Variants in NR2F1-AS1 observed in about 807,000 individuals in gnomAD.
NR2F1-AS1 encodes NR2F1 antisense RNA 1.
intron 1 of NR2F1-AS1, among the ~76,000 whole-genome samples, chr5:93,577,449 G>T (rs1223873797): frequency 6.6e-6 from 1 of 152,156 alleles, no homozygotes; most frequent in African/African-American, 2.4e-5. Context: ...TATCCACCTG[G>T]TTTTTTGTTG....
At chr5:93,436,193 T>TA (rs1749427584) in intron 4 of NR2F1-AS1, among the ~76,000 whole-genome samples, 1 of 152,196 alleles carries the variant, frequency 6.6e-6, no homozygotes, top group African/African-American at 2.4e-5. Flanking sequence ...CCAAGTGTTT[T>TA]AAAAAACAAA....
chr5:93,434,806 AT>A (rs1231760183), intron 4 of NR2F1-AS1, among the ~76,000 whole-genome samples: 1 of 152,022 alleles, frequency 6.6e-6, no homozygotes, highest in African/African-American at 2.4e-5. Context: ...AAATCCCCCA[AT>A]TTGGGCTTGT....
At chr5:93,557,524 A>C (rs1178657493) in intron 2 of NR2F1-AS1, among the ~76,000 whole-genome samples, 11 of 152,336 alleles carry the variant, frequency 7.2e-5, no homozygotes, top group Admixed American at 5.2e-4. Context: ...ATATGTAATT[A>C]CATTATGTCT....
At chr5:93,563,844 T>A (rs535237479) in intron 1 of NR2F1-AS1, among the ~76,000 whole-genome samples, 1 of 151,988 alleles carries the variant, frequency 6.6e-6, no homozygotes, top group African/African-American at 2.4e-5. Context: ...GGCTCATGCC[T>A]GTAATCCCAG....
At chr5:93,515,984 C>A (rs944938841) in intron 4 of NR2F1-AS1, among the ~76,000 whole-genome samples, 1 of 151,810 alleles carries the variant, frequency 6.6e-6, no homozygotes, top group Non-Finnish European at 1.5e-5. Context: ...AACCAACAAA[C>A]TGATGGCCAA....
At chr5:93,464,134 G>A (rs778295999) in intron 4 of NR2F1-AS1, among the ~76,000 whole-genome samples, 3 of 152,152 alleles carry the variant, frequency 2.0e-5, no homozygotes, top group East Asian at 3.9e-4. Context: ...ATCATGGGAG[G>A]AACCTGGTAG....
rs534698657 is a variant in NR2F1-AS1 at position 93,537,247 on chromosome 5, G to A, written n.638+16514C>T. Among the ~76,000 whole-genome samples, 3 of 152,162 alleles carry A rather than the reference G, an allele frequency of 2.0e-5. No homozygotes were observed. The East Asian group carries it at 5.8e-4, about 29-fold the overall frequency. ...ATGCTTATGGCATTGGGCTGGACAG[G>A]AATTTTTTAAATAAGACCTTAAACA... On this transcript the variant is annotated intron_variant and non_coding_transcript_variant, in intron 4 of 5. Transcript: ENST00000660523.
chr5:93,462,282 T>A (rs777080377), intron 4 of NR2F1-AS1, among the ~76,000 whole-genome samples: 1 of 152,068 alleles, frequency 6.6e-6, no homozygotes, highest in Non-Finnish European at 1.5e-5. Context: ...TCTCACGAGA[T>A]CTGATGGTTT....
intron 1 of NR2F1-AS1, chr5:93,571,184 G>A (rs1029326151): frequency 6.6e-6 from 1 of 151,964 alleles, no homozygotes; most frequent in South Asian, 2.1e-4. Flanking sequence ...CTGAAGGCCT[G>A]GGGCCTTCAG....
At chr5:93,498,488 A>C (rs1751011100) in intron 4 of NR2F1-AS1, among the ~76,000 whole-genome samples, 1 of 152,180 alleles carries the variant, frequency 6.6e-6, no homozygotes, top group African/African-American at 2.4e-5. Context: ...TCCTCAAAGA[A>C]GAATTTTTCT....
chr5:93,431,291 G>T (rs1054159120), intron 4 of NR2F1-AS1, among the ~76,000 whole-genome samples: 3 of 151,622 alleles, frequency 2.0e-5, no homozygotes, highest in East Asian at 1.9e-4. Context: ...AGATGATGGT[G>T]GGGGGGAGAT....
At chr5:93,517,631 C>T (rs1353260227) in intron 4 of NR2F1-AS1, among the ~76,000 whole-genome samples, 1 of 151,888 alleles carries the variant, frequency 6.6e-6, no homozygotes, top group Non-Finnish European at 1.5e-5. Context: ...GAAAGGGAAG[C>T]AAATTTTAAA....
chr5:93,446,306 C>T (rs1208204160), intron 4 of NR2F1-AS1, among the ~76,000 whole-genome samples: 1 of 152,144 alleles, frequency 6.6e-6, no homozygotes, highest in Non-Finnish European at 1.5e-5. Flanking sequence ...AAAACCCCAT[C>T]GTCTCAGCCC....
chr5:93,574,800 C>T (rs750421073), intron 1 of NR2F1-AS1, among the ~76,000 whole-genome samples: 7 of 152,038 alleles, frequency 4.6e-5, no homozygotes, highest in East Asian at 1.9e-4. Flanking sequence ...GTCGGTTTGA[C>T]GCCCCACCGG....
chr5:93,463,352 C>T (rs936761062), intron 4 of NR2F1-AS1, among the ~76,000 whole-genome samples: 1 of 152,184 alleles, frequency 6.6e-6, no homozygotes, highest in Non-Finnish European at 1.5e-5. Flanking sequence ...AAACCTTCAC[C>T]TAGATTTCAG....
chr5:93,534,012 G>A (rs1325056790), intron 4 of NR2F1-AS1, among the ~76,000 whole-genome samples: 2 of 152,156 alleles, frequency 1.3e-5, no homozygotes, highest in Non-Finnish European at 2.9e-5. Context: ...GAACCCAGGA[G>A]GCGGAGCTGT....
At chr5:93,488,047 A>C (rs1750763629) in intron 4 of NR2F1-AS1, among the ~76,000 whole-genome samples, 1 of 152,198 alleles carries the variant, frequency 6.6e-6, no homozygotes, top group African/African-American at 2.4e-5. Flanking sequence ...ACATGCAGAA[A>C]ACTGAAACTG....
intron 4 of NR2F1-AS1, among the ~76,000 whole-genome samples, chr5:93,417,156 C>T (rs1056673729): frequency 6.6e-6 from 1 of 152,138 alleles, no homozygotes; most frequent in Admixed American, 6.5e-5. Flanking sequence ...AGGAATAGTG[C>T]CATCCCCCTG....
At chr5:93,412,693 G>A (rs1023381382) in intron 4 of NR2F1-AS1, among the ~76,000 whole-genome samples, 1 of 152,062 alleles carries the variant, frequency 6.6e-6, no homozygotes, top group Non-Finnish European at 1.5e-5. Flanking sequence ...ACTTGACTAG[G>A]GACCTGATAA....
Sources: allele counts gnomAD v4.1 joint callset (sites outside exome capture counted in the v4.1 genomes callset), GRCh38; gene constraint gnomAD v4.1.1; transcripts MANE v1.5; gene names NCBI Gene and HGNC (gene_info 2026-07-23, HGNC 2026-07-21).